The following CDH18 variants were observed in gnomAD, a reference collection of about 807,000 sequenced individuals.
CDH18 encodes cadherin-18.
In CDH18, 31 loss-of-function variants were observed where a neutral mutation model predicts 67.9. The observed-to-expected ratio is 0.46, with a 90% CI of 0.34 to 0.62. The LOEUF is 0.62. Among genes scored for constraint, CDH18 ranks in the 20% least tolerant of loss-of-function variants. CDH18 has a pLI of 0.01. For missense variants in CDH18, 890 were observed against 975.5 expected (o/e 0.91, Z 1.17); for synonymous variants, 362 against 347.2 (o/e 1.04, Z -0.48).
intron 1 of CDH18, among the ~76,000 whole-genome samples, chr5:20,383,673 CA>C (rs1744092055): frequency 6.6e-6 from 1 of 151,906 alleles, no homozygotes; most frequent in Admixed American, 6.6e-5. Context: ...GCTGTTATAC[CA>C]AAATGCCTTT....
chr5:20,471,833 TAAA>T (rs70954659), intron 1 of CDH18, among the ~76,000 whole-genome samples: 5 of 51,492 alleles, frequency 9.7e-5, no homozygotes, highest in South Asian at 9.8e-4. Context: ...AGATTCAGTC[TAAA>T]AAAAAAAAAA....
At chr5:20,156,820 C>CT (rs1751569107) in intron 2 of CDH18, among the ~76,000 whole-genome samples, 1 of 152,080 alleles carries the variant, frequency 6.6e-6, no homozygotes, top group African/African-American at 2.4e-5. Flanking sequence ...TAAAAATAAC[C>CT]TTTTAAAAAC....
chr5:19,635,834 T>C (rs1030120578), intron 5 of CDH18, among the ~76,000 whole-genome samples: 2 of 152,168 alleles, frequency 1.3e-5, no homozygotes, highest in African/African-American at 4.8e-5. Context: ...CAGGATCATA[T>C]TATCCAAAGT....
chr5:19,571,725 C>T lies in CDH18; in HGVS notation c.1107G>A (p.Met369Ile), dbSNP rs1741432001. 3 of 1,613,776 alleles carry T rather than the reference C, an allele frequency of 1.9e-6. No individual in the cohort carries two copies. The Admixed American group carries it at 5.0e-5, about 27-fold the overall frequency. ...SHLGPFKDAT[M>I]LKIIVGDVDE... is the part of the protein sequence containing the mutation. Reference sequence around the variant, plus strand: ...CTACATCCCCAACAATGATCTTCAGCATAGTAGCATCTTTAAAAGGACCCA... The same window carrying T: ...CTACATCCCCAACAATGATCTTCAGTATAGTAGCATCTTTAAAAGGACCCA... The change falls in exon 8 of 13, where the codon ATG becomes ATA. Residue 369 changes from methionine to isoleucine, a missense_variant. Physicochemically the swap from Met to Ile is conservative, Grantham distance 10. Transcript: ENST00000382275.
At chr5:20,146,895 A>T (rs1041499033) in intron 2 of CDH18, among the ~76,000 whole-genome samples, 16 of 152,012 alleles carry the variant, frequency 1.1e-4, no homozygotes, top group African/African-American at 3.9e-4. Context: ...TCTACATCTT[A>T]GGCATTATTT....
chr5:20,372,646 C>CAT (rs1187722861), intron 1 of CDH18, among the ~76,000 whole-genome samples: 11 of 152,066 alleles, frequency 7.2e-5, no homozygotes, highest in East Asian at 1.9e-4. Context: ...CACATACCTA[C>CAT]ATATATATAT....
intron 5 of CDH18, among the ~76,000 whole-genome samples, chr5:19,693,455 T>G (rs560080492): frequency 6.6e-6 from 1 of 152,338 alleles, no homozygotes; most frequent in South Asian, 2.1e-4. Flanking sequence ...AACATTTCAT[T>G]ATTTCTACAT....
At chr5:19,930,113 CT>C (rs1278043429) in intron 2 of CDH18, among the ~76,000 whole-genome samples, 1 of 151,932 alleles carries the variant, frequency 6.6e-6, no homozygotes, top group Non-Finnish European at 1.5e-5. Context: ...TTTAAAGAAC[CT>C]TAAGGGTCAC....
chr5:20,137,171 G>T (rs955265610), intron 2 of CDH18, among the ~76,000 whole-genome samples: 7 of 152,150 alleles, frequency 4.6e-5, no homozygotes, highest in Non-Finnish European at 8.8e-5. Context: ...ATATCCTGAA[G>T]AGTGTTTTCC....
At chr5:20,224,814 T>A (rs566393914) in intron 2 of CDH18, among the ~76,000 whole-genome samples, 1 of 152,244 alleles carries the variant, frequency 6.6e-6, no homozygotes, top group South Asian at 2.1e-4. Context: ...GAAATGGTTA[T>A]TCAGCATATA....
intron 1 of CDH18, among the ~76,000 whole-genome samples, chr5:20,434,210 G>A (rs150922705): frequency 1.8e-4 from 28 of 152,060 alleles, no homozygotes; most frequent in African/African-American, 4.8e-4. Context: ...TCTGGAGTAG[G>A]CCAAATGTTC....
At chr5:19,661,605 CATATT>C (rs1421929581) in intron 5 of CDH18, among the ~76,000 whole-genome samples, 1 of 151,910 alleles carries the variant, frequency 6.6e-6, no homozygotes, top group African/African-American at 2.4e-5. Context: ...GTGAAACTCT[CATATT>C]ATAAAATAAA....
chr5:20,537,356 T>C (rs1756784136), intron 1 of CDH18, among the ~76,000 whole-genome samples: 1 of 151,780 alleles, frequency 6.6e-6, no homozygotes, highest in Admixed American at 6.6e-5. Context: ...TGTAAATAAT[T>C]ATTAATTATT....
At chr5:19,828,501 G>T (rs1046148332) in intron 3 of CDH18, among the ~76,000 whole-genome samples, 1 of 152,016 alleles carries the variant, frequency 6.6e-6, no homozygotes, top group Non-Finnish European at 1.5e-5. Flanking sequence ...AAAAATACTA[G>T]CAAACCAAAT....
intron 4 of CDH18, among the ~76,000 whole-genome samples, chr5:19,738,882 T>C (rs1418674303): frequency 6.6e-6 from 1 of 152,186 alleles, no homozygotes; most frequent in Non-Finnish European, 1.5e-5. Flanking sequence ...ATCCTGTTCA[T>C]ATACCGTTGA....
At chr5:19,675,220 C>T (rs765743850) in intron 5 of CDH18, among the ~76,000 whole-genome samples, 7 of 152,030 alleles carry the variant, frequency 4.6e-5, no homozygotes, top group East Asian at 1.9e-4. Flanking sequence ...AGGGCAAGAT[C>T]GCAGGACTGG....
At chr5:19,476,749 G>T (rs1442700613) in intron 12 of CDH18, among the ~76,000 whole-genome samples, 1 of 151,912 alleles carries the variant, frequency 6.6e-6, no homozygotes, top group Non-Finnish European at 1.5e-5. Context: ...TGAATTGGTT[G>T]GTGGTTGATG....
intron 1 of CDH18, among the ~76,000 whole-genome samples, chr5:20,531,557 C>T (rs1458519217): frequency 6.6e-6 from 1 of 152,022 alleles, no homozygotes; most frequent in Non-Finnish European, 1.5e-5. Context: ...ACCATGCAGC[C>T]ATAAAAAGGA....
intron 2 of CDH18, among the ~76,000 whole-genome samples, chr5:20,139,653 G>C (rs1390195861): frequency 1.3e-5 from 2 of 151,924 alleles, no homozygotes; most frequent in Non-Finnish European, 2.9e-5. Context: ...AAAAAGTGAG[G>C]GAAGGATATG....
Sources: allele counts gnomAD v4.1 joint callset (sites outside exome capture counted in the v4.1 genomes callset), GRCh38; gene constraint gnomAD v4.1.1; transcripts MANE v1.5; gene names NCBI Gene and HGNC (gene_info 2026-07-23, HGNC 2026-07-21).